Variants in CPQ observed in about 807,000 individuals in gnomAD.
The protein encoded by CPQ is carboxypeptidase Q, also known as Ser-Met dipeptidase.
Under a neutral mutation model 45.7 loss-of-function variants are expected in CPQ, and 37 were observed. The observed-to-expected ratio is 0.81, with a 90% confidence interval of 0.62 to 1.07. The LOEUF is 1.07. Ranked by LOEUF, CPQ falls within the 50% of genes least tolerant of loss-of-function variation. CPQ has a pLI of 0.00. For synonymous variants in CPQ, 186 were observed against 205.8 expected, an observed-to-expected ratio of 0.90 and a Z score of 0.82; for missense variants, 537 against 572.9, an observed-to-expected ratio of 0.94 and a Z score of 0.64.
intron 1 of CPQ, among the ~76,000 whole-genome samples, chr8:96,712,381 G>T (rs1177319051): frequency 1.3e-5 from 2 of 152,272 alleles, no homozygotes; most frequent in African/African-American, 2.4e-5. Context: ...CTGTGTGGGG[G>T]CTATGACACC....
chr8:97,048,598 A>G (rs1258168792), intron 6 of CPQ, among the ~76,000 whole-genome samples: 1 of 152,150 alleles, frequency 6.6e-6, no homozygotes, highest in East Asian at 1.9e-4. Context: ...TTCTTTCCCA[A>G]ACTGTTTTCT....
At chr8:96,938,454 G>A (rs540896707) in intron 4 of CPQ, among the ~76,000 whole-genome samples, 3 of 152,028 alleles carry the variant, frequency 2.0e-5, no homozygotes, top group South Asian at 2.1e-4. Context: ...TTTAATAAAG[G>A]GACTATTTAT....
rs533020836 is a variant in CPQ at position 96,709,565 on chromosome 8, G to C, written c.-35+64163G>C. 4.6e-5 allele frequency among the ~76,000 whole-genome samples: 7 copies of C among 152,260 alleles called. No individual in the cohort carries two copies. The South Asian group carries it at 1.0e-3, about 23-fold the overall frequency. On this transcript the variant is annotated intron_variant, in intron 1 of 7. Transcript: ENST00000220763. ...ACCGTGCTGCGATAAACATATGCAT[G>C]CAAGTGTCTTTTTGATATAATGACT...
intron 1 of CPQ, among the ~76,000 whole-genome samples, chr8:96,724,636 C>T (rs1207337285): frequency 6.6e-6 from 1 of 152,122 alleles, no homozygotes; most frequent in African/African-American, 2.4e-5. Flanking sequence ...GCATTCCATG[C>T]TCATGAATTG....
At position 96,976,459 on chromosome 8, in the gene CPQ, T is replaced by A. The variant is rs191545279; in HGVS notation, c.961+10413T>A. ...ATCTACAAATTCATTGCAATTCCCATCAAAATACCACCATCATTCTTCAAG... is the reference window on the plus strand; with the variant it reads ...ATCTACAAATTCATTGCAATTCCCAACAAAATACCACCATCATTCTTCAAG... On this transcript the variant is annotated intron_variant, in intron 5 of 7. Transcript: ENST00000220763. Among the ~76,000 whole-genome samples, 57 of 151,930 alleles carry A rather than the reference T, an allele frequency of 3.8e-4. No individual in the cohort carries two copies. The Middle Eastern group carries it at 0.01, about 27-fold the overall frequency.
At chr8:96,998,818 C>A (rs1809219180) in intron 5 of CPQ, among the ~76,000 whole-genome samples, 1 of 151,960 alleles carries the variant, frequency 6.6e-6, no homozygotes, top group Non-Finnish European at 1.5e-5. Context: ...AGTCATTGTA[C>A]TGGCCTCCAG....
intron 1 of CPQ, among the ~76,000 whole-genome samples, chr8:96,753,224 G>A (rs1353230187): frequency 6.6e-6 from 1 of 151,984 alleles, no homozygotes; most frequent in Admixed American, 6.6e-5. Context: ...ATGTGTACAA[G>A]GCTCTATTTC....
chr8:96,806,785 G>GTCC (rs961739296), intron 2 of CPQ, among the ~76,000 whole-genome samples: 3 of 152,156 alleles, frequency 2.0e-5, no homozygotes, highest in African/African-American at 7.2e-5. Flanking sequence ...GTCTAGAGAA[G>GTCC]GAAGAGAATG....
chr8:96,818,908 T>G (rs1811263674), intron 2 of CPQ, among the ~76,000 whole-genome samples: 1 of 152,138 alleles, frequency 6.6e-6, no homozygotes, highest in Non-Finnish European at 1.5e-5. Flanking sequence ...AATCCTTCAA[T>G]GTAAACTGTT....
In CPQ at chr8:96,787,525, C is replaced by CTTTTTTTTTTT. The variant is rs71267281; in HGVS notation, c.433+2215_433+2225dup. Among the ~76,000 whole-genome samples the CTTTTTTTTTTT allele has an allele frequency of 3.0e-3, 142 of 47,580 alleles. 42 individuals carry two copies. Among genetic ancestry groups the CTTTTTTTTTTT allele is most frequent in the East Asian group, 5.6e-3 (5 of 892 alleles). 31.2% of individuals were successfully genotyped at this position (47,580 alleles called of 152,430 possible). On this transcript the variant is annotated intron_variant, in intron 2 of 7. Transcript: ENST00000220763. ...TTGTAGTTTCATTTTCTTATAATGT[C>CTTTTTTTTTTT]TTTTTTTTTTTTTTTTTTTTTTTTT...
chr8:97,044,894 A>C (rs569199539), intron 6 of CPQ, among the ~76,000 whole-genome samples: 8 of 152,214 alleles, frequency 5.3e-5, no homozygotes, highest in African/African-American at 1.9e-4. Flanking sequence ...GTCTGCCCCT[A>C]CTGGGGGGTG....
chr8:96,880,007 T>A lies in CPQ; in HGVS notation c.849+2T>A. ...ACTGGGAGCAAATATCCAGAACAGG[T>A]GAGTGAAGGAGAAGGCTGGCCTAAG... On this transcript the variant is annotated splice_donor_variant, in intron 4 of 7. Transcript: ENST00000220763. LOFTEE classifies it high-confidence loss of function. The A allele has an allele frequency of 6.2e-7, 1 of 1,611,618 alleles. No homozygotes were observed. Among genetic ancestry groups the A allele is most frequent in the Non-Finnish European group, 8.5e-7 (1 of 1,177,916 alleles).
intron 3 of CPQ, among the ~76,000 whole-genome samples, chr8:96,867,610 C>T (rs1812011899): frequency 1.3e-5 from 2 of 151,816 alleles, no homozygotes; most frequent in Non-Finnish European, 2.9e-5. Flanking sequence ...TCCATGATCC[C>T]ACCACCCAGA....
intron 2 of CPQ, among the ~76,000 whole-genome samples, chr8:96,828,695 G>A (rs543062512): frequency 2.6e-5 from 4 of 151,970 alleles, no homozygotes; most frequent in Non-Finnish European, 4.4e-5. Context: ...CCTCACTCAC[G>A]CACATTAGTC....
chr8:96,904,920 A>G (rs1812556749), intron 4 of CPQ, among the ~76,000 whole-genome samples: 1 of 152,170 alleles, frequency 6.6e-6, no homozygotes, highest in South Asian at 2.1e-4. Context: ...GTATAGGGTC[A>G]TTTGTAAGCA....
chr8:96,936,290 G>A (rs752974105), intron 4 of CPQ, among the ~76,000 whole-genome samples: 1 of 152,274 alleles, frequency 6.6e-6, no homozygotes, highest in African/African-American at 2.4e-5. Flanking sequence ...TGGAAGTTTT[G>A]CCTAACATCT....
chr8:96,813,204 A>T (rs1448986953), intron 2 of CPQ, among the ~76,000 whole-genome samples: 1 of 152,084 alleles, frequency 6.6e-6, no homozygotes, highest in African/African-American at 2.4e-5. Context: ...ACTCTAGCTC[A>T]ACCATTCTTC....
In CPQ at chr8:96,737,249, AC is replaced by A. The variant is rs1278137146; in HGVS notation, c.-34-47614del. ...ATAAGATACACACACACACACACAC[AC>A]ACACAAAAAAAAACTAATAGGATAT... On this transcript the variant is annotated intron_variant, in intron 1 of 7. Coordinates refer to ENST00000220763, the MANE Select transcript of CPQ (RefSeq NM_016134.4). Among the ~76,000 whole-genome samples the A allele has an allele frequency of 2.5e-4, 36 of 143,722 alleles. No homozygotes were observed. In the East Asian group the frequency reaches 3.8e-3, roughly 15 times the overall value. The allele number at this position is 143,722 out of a possible 152,430, so 94.3% of individuals were successfully genotyped here.
chr8:96,995,023 G>A (rs1436608816), intron 5 of CPQ, among the ~76,000 whole-genome samples: 3 of 151,862 alleles, frequency 2.0e-5, no homozygotes, highest in Admixed American at 6.6e-5. Flanking sequence ...AGGCATACTC[G>A]AAAGAGGTTG....
Sources: allele counts gnomAD v4.1 joint callset (sites outside exome capture counted in the v4.1 genomes callset), GRCh38; gene constraint gnomAD v4.1.1; transcripts MANE v1.5; gene names NCBI Gene and HGNC (gene_info 2026-07-23, HGNC 2026-07-21).